The following BICRAL variants were observed in gnomAD, a reference collection of about 807,000 sequenced individuals.
The protein encoded by BICRAL is BICRA like chromatin remodeling complex associated protein.
In BICRAL, 8 loss-of-function variants were observed where a neutral mutation model predicts 91.8. That is an observed-to-expected ratio of 0.09 (90% CI 0.05 to 0.16). BICRAL has a LOEUF of 0.16. Ranked by LOEUF, BICRAL falls within the 10% of genes least tolerant of loss-of-function variation. The pLI is 1.00. For synonymous variants in BICRAL, 445 were observed against 491.1 expected, an observed-to-expected ratio of 0.91 and a Z score of 1.24; for missense variants, 1,038 against 1,310.9, an observed-to-expected ratio of 0.79 and a Z score of 3.21.
chr6:42,762,194 G>A (rs1762561529), intron 1 of BICRAL, among the ~76,000 whole-genome samples: 1 of 152,144 alleles, frequency 6.6e-6, no homozygotes, highest in Admixed American at 6.5e-5. Flanking sequence ...TGGCCTTTCT[G>A]CAATGCTGGG....
At chr6:42,766,054 C>G (rs980684488) in intron 1 of BICRAL, among the ~76,000 whole-genome samples, 9 of 152,100 alleles carry the variant, frequency 5.9e-5, no homozygotes, top group Non-Finnish European at 1.2e-4. Context: ...GGATTTTGCC[C>G]AGGCTGGTCT....
intron 1 of BICRAL, among the ~76,000 whole-genome samples, chr6:42,775,560 G>GTTGTTGA (rs1762795314): frequency 6.6e-6 from 1 of 152,178 alleles, no homozygotes; most frequent in African/African-American, 2.4e-5. Flanking sequence ...ACAGCATGTG[G>GTTGTTGA]TGCCCCCCTA....
intron 5 of BICRAL, 22 bp from the exon 6 acceptor site, chr6:42,828,471 A>G: frequency 1.3e-6 from 2 of 1,589,164 alleles, no homozygotes; most frequent in Non-Finnish European, 1.7e-6. Flanking sequence ...TATGCCATGT[A>G]ACATACTGTT....
intron 6 of BICRAL, among the ~76,000 whole-genome samples, chr6:42,834,683 T>TAA (rs1764591598): frequency 6.6e-6 from 1 of 152,194 alleles, no homozygotes; most frequent in Non-Finnish European, 1.5e-5. Context: ...CAATAATTTA[T>TAA]TTTAATGCTC....
chr6:42,837,827 T>G (rs556122711), intron 6 of BICRAL, among the ~76,000 whole-genome samples: 1 of 152,284 alleles, frequency 6.6e-6, no homozygotes, highest in East Asian at 1.9e-4. Flanking sequence ...CTCGTCTCGT[T>G]GCCCACCCAC....
chr6:42,788,158 A>G (rs1763156945), intron 1 of BICRAL, among the ~76,000 whole-genome samples: 1 of 151,974 alleles, frequency 6.6e-6, no homozygotes. Flanking sequence ...GCTAATGAGA[A>G]TATTTAATAG....
At chr6:42,852,451 C>T (rs761761596) in intron 7 of BICRAL, 3 of 594,862 alleles carry the variant, frequency 5.0e-6, no homozygotes, top group Non-Finnish European at 9.5e-6. Flanking sequence ...CACCTGAGAT[C>T]AGGAGTTCAA....
intron 6 of BICRAL, among the ~76,000 whole-genome samples, chr6:42,851,329 C>G (rs995676608): frequency 2.0e-5 from 3 of 152,016 alleles, no homozygotes; most frequent in Non-Finnish European, 4.4e-5. Flanking sequence ...TGAGACCAGC[C>G]TTGGTAACAT....
At chr6:42,766,056 G>C (rs1762628907) in intron 1 of BICRAL, among the ~76,000 whole-genome samples, 1 of 152,072 alleles carries the variant, frequency 6.6e-6, no homozygotes, top group African/African-American at 2.4e-5. Context: ...ATTTTGCCCA[G>C]GCTGGTCTCG....
intron 8 of BICRAL, among the ~76,000 whole-genome samples, chr6:42,853,951 A>G (rs2114021557): frequency 6.6e-6 from 1 of 152,316 alleles, no homozygotes; most frequent in South Asian, 2.1e-4. Flanking sequence ...TATTTCTGAC[A>G]TGTTTACAGT....
intron 1 of BICRAL, among the ~76,000 whole-genome samples, chr6:42,751,946 C>T (rs1478724226): frequency 2.0e-5 from 3 of 151,422 alleles, no homozygotes; most frequent in African/African-American, 4.9e-5. Flanking sequence ...CATGAGTCAC[C>T]GCGCCCGGCC....
At chr6:42,823,495 A>G (rs1217421190) in intron 5 of BICRAL, among the ~76,000 whole-genome samples, 1 of 152,228 alleles carries the variant, frequency 6.6e-6, no homozygotes, top group African/African-American at 2.4e-5. Flanking sequence ...GTCAATTAAG[A>G]CAAGCTATGT....
At chr6:42,772,491 G>A (rs753312608) in intron 1 of BICRAL, among the ~76,000 whole-genome samples, 4 of 152,130 alleles carry the variant, frequency 2.6e-5, no homozygotes, top group Non-Finnish European at 4.4e-5. Flanking sequence ...TCTGTAAAGG[G>A]ACCACAGGGT....
chr6:42,793,748 A>G lies in BICRAL; in HGVS notation c.-102+11647A>G, dbSNP rs1040834537. ...TGTTTTTGGCGCTACTTCTATGCGTAGGCCTCAAGATGACTTTTTTTTTTT... is the reference window on the plus strand; with the variant it reads ...TGTTTTTGGCGCTACTTCTATGCGTGGGCCTCAAGATGACTTTTTTTTTTT... On this transcript the variant is annotated intron_variant, in intron 1 of 12. Transcript: ENST00000314073. Among the ~76,000 whole-genome samples, 5 of 145,124 alleles carry G rather than the reference A, an allele frequency of 3.4e-5. No individual in the cohort carries two copies. The East Asian group carries it at 6.2e-4, about 18-fold the overall frequency.
intron 1 of BICRAL, among the ~76,000 whole-genome samples, chr6:42,804,591 G>T (rs926210282): frequency 6.6e-6 from 1 of 152,140 alleles, no homozygotes; most frequent in Non-Finnish European, 1.5e-5. Context: ...TAAGTAAAAG[G>T]AACATGCAAA....
chr6:42,848,180 A>G (rs1336294565), intron 6 of BICRAL, among the ~76,000 whole-genome samples: 1 of 151,448 alleles, frequency 6.6e-6, no homozygotes. Flanking sequence ...TGAACCCGGG[A>G]GGCAGAGGTT....
At chr6:42,746,655 C>T (rs1294172384), upstream of BICRAL, among the ~76,000 whole-genome samples, 1 of 151,726 alleles carries the variant, frequency 6.6e-6, no homozygotes, top group African/African-American at 2.4e-5. Context: ...TTTTTCTTTT[C>T]CCTTCCACCA....
Position 42,852,082 on chromosome 6 carries a change from T to C in BICRAL, c.1840-10T>C. 6.6e-7 allele frequency: 1 copy of C among 1,514,606 alleles called. No individual in the cohort carries two copies. The highest frequency in any genetic ancestry group is 9.1e-7 in the Non-Finnish European group (1 of 1,092,942). The allele number at this position is 1,514,606 out of a possible 1,614,324, so 93.8% of individuals were successfully genotyped here. On this transcript the variant is annotated splice_polypyrimidine_tract_variant and intron_variant, in intron 6 of 12. Transcript: ENST00000314073. The stretch of plus-strand genomic sequence containing the variant: ...GAAATTAATGTTTTCATCTTTGTCA[T>C]GTTTCACAGGCTCAGAAAAAATGTC...
intron 6 of BICRAL, among the ~76,000 whole-genome samples, chr6:42,846,971 C>T (rs1021811257): frequency 3.9e-5 from 6 of 152,206 alleles, no homozygotes; most frequent in Non-Finnish European, 7.3e-5. Context: ...AGTTTTTTGC[C>T]ATTAAATATG....
Sources: gnomAD v4.1 joint callset for allele counts (sites outside exome capture counted in the v4.1 genomes callset) on GRCh38, gnomAD v4.1.1 for gene constraint, MANE v1.5 for transcripts, NCBI Gene and HGNC (gene_info 2026-07-23, HGNC 2026-07-21) for gene names.